The following DSCAML1 variants were observed in gnomAD, a reference collection of about 807,000 sequenced individuals.
The protein encoded by DSCAML1 is DS cell adhesion molecule like 1, also known as cell adhesion molecule DSCAML1.
Under a neutral mutation model 200.5 loss-of-function variants are expected in DSCAML1, and 38 were observed. The observed-to-expected ratio is 0.19, with a 90% CI of 0.15 to 0.25. The LOEUF is 0.25. Among genes scored for constraint, DSCAML1 ranks in the 10% least tolerant of loss-of-function variants. DSCAML1 has a pLI of 1.00. For synonymous variants in DSCAML1, 1,215 were observed against 1,165.0 expected (o/e 1.04, Z -0.87); for missense variants, 2,223 against 2,858.8 (o/e 0.78, Z 5.07).
At chr11:117,732,354 C>T (rs746206777) in intron 3 of DSCAML1, among the ~76,000 whole-genome samples, 7 of 152,352 alleles carry the variant, frequency 4.6e-5, no homozygotes, top group Non-Finnish European at 8.8e-5. Flanking sequence ...GCACCCAGAC[C>T]TAGGTCTTCC....
intron 3 of DSCAML1, among the ~76,000 whole-genome samples, chr11:117,610,040 A>C (rs2051655883): frequency 6.6e-6 from 1 of 151,294 alleles, no homozygotes; most frequent in African/African-American, 2.4e-5. Flanking sequence ...TTCTATTCCC[A>C]CCTCCCCTCA....
intron 1 of DSCAML1, among the ~76,000 whole-genome samples, chr11:117,796,259 G>A (rs1294994721): frequency 6.6e-6 from 1 of 152,232 alleles, no homozygotes; most frequent in African/African-American, 2.4e-5. Context: ...TCTCCGGGAA[G>A]AGGGACACGC....
intron 3 of DSCAML1, among the ~76,000 whole-genome samples, chr11:117,544,891 T>C (rs1166345296): frequency 6.6e-6 from 1 of 151,940 alleles, no homozygotes; most frequent in Non-Finnish European, 1.5e-5. Flanking sequence ...GTGGTTAAGG[T>C]TAAATGAAGT....
At chr11:117,755,953 G>A (rs947997167) in intron 3 of DSCAML1, among the ~76,000 whole-genome samples, 5 of 152,160 alleles carry the variant, frequency 3.3e-5, no homozygotes, top group Non-Finnish European at 7.4e-5. Context: ...GGAGAAGGAC[G>A]GTTCTGCTGT....
chr11:117,543,347 C>T (rs2050306018), intron 3 of DSCAML1, among the ~76,000 whole-genome samples: 1 of 152,040 alleles, frequency 6.6e-6, no homozygotes, highest in Non-Finnish European at 1.5e-5. Context: ...GTGTGTGTAC[C>T]TGCACTGGTG....
At chr11:117,432,282 C>A (rs755207639) in intron 30 of DSCAML1, 70 bp downstream of exon 30, 1 of 1,484,208 alleles carries the variant, frequency 6.7e-7, no homozygotes, top group South Asian at 1.4e-5. Flanking sequence ...AAAAACACCA[C>A]CTCTGTGTCA....
At chr11:117,725,750 G>A (rs893555681) in intron 3 of DSCAML1, among the ~76,000 whole-genome samples, 1 of 152,188 alleles carries the variant, frequency 6.6e-6, no homozygotes, top group Non-Finnish European at 1.5e-5. Context: ...TGGGGGAATT[G>A]TCCGGAGGCT....
intron 21 of DSCAML1, 79 bp from the exon 22 acceptor site, chr11:117,440,015 G>C: frequency 7.9e-7 from 1 of 1,263,934 alleles, no homozygotes; most frequent in South Asian, 1.2e-5. Flanking sequence ...GGGCCCCCTG[G>C]ATTTACAGTT....
intron 3 of DSCAML1, among the ~76,000 whole-genome samples, chr11:117,647,696 C>T (rs2052544992): frequency 1.3e-5 from 2 of 152,018 alleles, no homozygotes; most frequent in Non-Finnish European, 2.9e-5. Flanking sequence ...CTCTGATTAG[C>T]AGAAAGCAAA....
Position 117,480,951 on chromosome 11 carries a change from G to A in DSCAML1, c.2656+223C>T, listed in dbSNP as rs922000913. On this transcript the variant is annotated intron_variant, in intron 13 of 32. Transcript: ENST00000651296. The surrounding 1 kb of genome is among the most constrained non-coding windows in gnomAD (Gnocchi z 4.1). ...CAGAAGGGTCAGTGGAATCTATAGC[G>A]GCTGTAGCCATTGCAAACTTTTGCT... Among the ~76,000 whole-genome samples, 8 of 152,300 alleles carry A rather than the reference G, an allele frequency of 5.3e-5. No homozygotes were observed. The highest frequency in any genetic ancestry group is 2.6e-4 in the Admixed American group (4 of 15,308).
At chr11:117,638,471 C>G (rs1171014688) in intron 3 of DSCAML1, among the ~76,000 whole-genome samples, 1 of 152,092 alleles carries the variant, frequency 6.6e-6, no homozygotes, top group East Asian at 1.9e-4. Context: ...GCAGCCATCA[C>G]CACAGTTGAT....
intron 3 of DSCAML1, among the ~76,000 whole-genome samples, chr11:117,649,349 A>C (rs1591361577): frequency 2.6e-5 from 4 of 152,264 alleles, no homozygotes; most frequent in African/African-American, 9.6e-5. Flanking sequence ...AAGTGCTGGC[A>C]TAAGCCACCA....
At chr11:117,671,882 C>T (rs922539934) in intron 3 of DSCAML1, among the ~76,000 whole-genome samples, 10 of 151,918 alleles carry the variant, frequency 6.6e-5, no homozygotes, top group Admixed American at 2.0e-4. Flanking sequence ...GAGGCCGAGG[C>T]GGGCGGATTA....
At chr11:117,783,567 T>C (rs2055299779) in intron 1 of DSCAML1, among the ~76,000 whole-genome samples, 1 of 152,202 alleles carries the variant, frequency 6.6e-6, no homozygotes, top group Non-Finnish European at 1.5e-5. Flanking sequence ...AGATATTATA[T>C]TTAATCTTCA....
intron 3 of DSCAML1, among the ~76,000 whole-genome samples, chr11:117,650,002 T>C (rs1050603171): frequency 6.6e-6 from 1 of 152,210 alleles, no homozygotes; most frequent in African/African-American, 2.4e-5. Context: ...TGGCAGGGCA[T>C]TCTGGGGCAC....
At chr11:117,603,216 C>T (rs576707787) in intron 3 of DSCAML1, among the ~76,000 whole-genome samples, 14 of 152,334 alleles carry the variant, frequency 9.2e-5, no homozygotes, top group Admixed American at 2.6e-4. Context: ...TAGAATCTGC[C>T]GGTTCCTGGC....
chr11:117,649,085 G>GACAGAATTTCGCTCTTGTCACCCAGGCT (rs2052577944), intron 3 of DSCAML1, among the ~76,000 whole-genome samples: 1 of 147,056 alleles, frequency 6.8e-6, no homozygotes, highest in Non-Finnish European at 1.5e-5. Flanking sequence ...GTGTGTGTGT[G>GACAGAATTTCGCTCTTGTCACCCAGGCT]TGTATTTTTA....
At chr11:117,521,026 G>C in intron 6 of DSCAML1, 104 bp downstream of exon 6, 1 of 1,484,850 alleles carries the variant, frequency 6.7e-7, no homozygotes, top group East Asian at 2.3e-5. Context: ...TGTGTAGTGA[G>C]CGCTGGTTTA....
chr11:117,757,460 C>T (rs1461270064), intron 3 of DSCAML1, among the ~76,000 whole-genome samples: 1 of 151,978 alleles, frequency 6.6e-6, no homozygotes, highest in Non-Finnish European at 1.5e-5. Flanking sequence ...TCTATGCATG[C>T]AACATAATAC....
Sources: gnomAD v4.1 joint callset for allele counts (sites outside exome capture counted in the v4.1 genomes callset) on GRCh38, gnomAD v4.1.1 for gene constraint, Gnocchi (gnomAD v3.1) non-coding constraint, MANE v1.5 for transcripts, NCBI Gene and HGNC (gene_info 2026-07-23, HGNC 2026-07-21) for gene names.